Variants in GALK2 observed in about 807,000 individuals in gnomAD.
The protein encoded by GALK2 is N-acetylgalactosamine kinase.
A neutral mutation model predicts 52.4 loss-of-function variants in GALK2; 36 were observed. That is an observed-to-expected ratio of 0.69 (90% CI 0.53 to 0.91). The LOEUF (loss-of-function observed/expected upper bound fraction) is 0.91, where lower values mean the gene tolerates loss of function less well. Ranked by LOEUF, GALK2 falls within the 40% of genes least tolerant of loss-of-function variation. The pLI is 0.00. For synonymous variants in GALK2, 176 were observed against 199.1 expected (o/e 0.88, Z 0.98); for missense variants, 579 against 559.1 (o/e 1.04, Z -0.36).
intron 3 of GALK2, among the ~76,000 whole-genome samples, chr15:49,360,535 C>T (rs1179420695): frequency 6.6e-6 from 1 of 150,828 alleles, no homozygotes; most frequent in Non-Finnish European, 1.5e-5. Context: ...AGCTTAGTCT[C>T]AACACATAAA....
At chr15:49,327,764 G>GA (rs1179546400) in intron 9 of GALK2, 188 bp from the exon 10 acceptor site, 2 of 499,920 alleles carry the variant, frequency 4.0e-6, no homozygotes, top group South Asian at 4.1e-5. Flanking sequence ...TAGATACAAT[G>GA]AAAAAATTCC....
At chr15:49,280,184 C>T (rs1211326356) in intron 5 of GALK2, among the ~76,000 whole-genome samples, 3 of 152,164 alleles carry the variant, frequency 2.0e-5, no homozygotes, top group Non-Finnish European at 4.4e-5. Flanking sequence ...AATAATAACA[C>T]TGTGATTCAC....
intron 3 of GALK2, among the ~76,000 whole-genome samples, chr15:49,344,990 C>G (rs2041259024): frequency 6.6e-6 from 1 of 152,182 alleles, no homozygotes; most frequent in African/African-American, 2.4e-5. Context: ...TGGTGTTGAG[C>G]TGCTTAAACT....
At chr15:49,246,188 G>A (rs1030422687) in intron 5 of GALK2, among the ~76,000 whole-genome samples, 6 of 152,202 alleles carry the variant, frequency 3.9e-5, no homozygotes, top group Non-Finnish European at 7.3e-5. Context: ...GGGTTGCTCT[G>A]ATGTCCAGTT....
chr15:49,190,582 A>T (rs1005779323), intron 1 of GALK2, among the ~76,000 whole-genome samples: 2 of 152,220 alleles, frequency 1.3e-5, no homozygotes, highest in African/African-American at 4.8e-5. Flanking sequence ...TTGTTAAAGC[A>T]AATTAAATAT....
intron 3 of GALK2, among the ~76,000 whole-genome samples, chr15:49,222,289 A>G (rs2089854538): frequency 6.6e-6 from 1 of 152,100 alleles, no homozygotes; most frequent in Non-Finnish European, 1.5e-5. Flanking sequence ...TAGGTGTAAG[A>G]GTTTTTTTTA....
Position 49,330,773 on chromosome 15 carries a change from A to G in GALK2, c.*2614A>G, listed in dbSNP as rs1596200582. 1 of 151,760 alleles carries G rather than the reference A, an allele frequency of 6.6e-6. No individual in the cohort carries two copies. The highest frequency in any genetic ancestry group is 2.4e-5 in the African/African-American group (1 of 41,286). The allele number at this position is 151,760 out of a possible 1,614,324, so 9.4% of individuals were successfully genotyped here. A position where few individuals can be genotyped will look rare whatever the true frequency, so the allele number is the denominator to read the frequency against. ...AAAAAAAAAAAGAGAGAAAGAATGA[A>G]TATTTTTGTGTGTGGATGTAAAAAA... On this transcript the variant is annotated 3_prime_UTR_variant, in exon 10 of 10. Transcript: ENST00000560031.
At chr15:49,296,390 T>C (rs902782982) in intron 8 of GALK2, among the ~76,000 whole-genome samples, 3 of 152,208 alleles carry the variant, frequency 2.0e-5, no homozygotes, top group African/African-American at 7.2e-5. Context: ...TGTTTTCTGT[T>C]CCTGCATTAA....
intron 1 of GALK2, among the ~76,000 whole-genome samples, chr15:49,184,788 T>C (rs2086229292): frequency 6.6e-6 from 1 of 152,182 alleles, no homozygotes; most frequent in Admixed American, 6.5e-5. Flanking sequence ...TAAGTTTTTG[T>C]TGTTTTTATT....
intron 9 of GALK2, 64 bp from the exon 10 acceptor site, chr15:49,327,888 A>C (rs908052522): frequency 4.0e-6 from 6 of 1,510,824 alleles, no homozygotes; most frequent in Non-Finnish European, 5.4e-6. Context: ...TGTTCTACAA[A>C]CACCAAGCAA....
chr15:49,204,083 A>T lies in GALK2; in HGVS notation c.142+2833A>T, dbSNP rs140488010. 5.6e-3 allele frequency among the ~76,000 whole-genome samples: 822 copies of T among 147,298 alleles called. 6 individuals carry two copies. Among genetic ancestry groups the T allele is most frequent in the African/African-American group, 0.02 (781 of 39,530 alleles). On this transcript the variant is annotated intron_variant, in intron 2 of 9. Transcript: ENST00000560031. ...TGAGCCGAGATCAAACCACTACTGC[A>T]CTCCAGCAGGATTCTGTCTCAAAAA... is the stretch of plus-strand genomic sequence containing the variant.
At chr15:49,205,386 C>T (rs2088191791) in intron 2 of GALK2, among the ~76,000 whole-genome samples, 1 of 152,150 alleles carries the variant, frequency 6.6e-6, no homozygotes, top group African/African-American at 2.4e-5. Context: ...TCCACACCAA[C>T]ATCTACTCTT....
At chr15:49,335,051 C>T (rs534005215), downstream of GALK2, among the ~76,000 whole-genome samples, 1 of 152,260 alleles carries the variant, frequency 6.6e-6, no homozygotes, top group Non-Finnish European at 1.5e-5. Flanking sequence ...GCCCAGCTGC[C>T]ACCCCAGCTC....
At chr15:49,362,254 A>G (rs1042190426) in intron 3 of GALK2, among the ~76,000 whole-genome samples, 5 of 152,002 alleles carry the variant, frequency 3.3e-5, no homozygotes, top group Non-Finnish European at 7.4e-5. Context: ...TGTTTTCATG[A>G]TAGTGAAAGT....
chr15:49,365,972 A>G, intron 3 of GALK2: 6 of 843,336 alleles, frequency 7.1e-6, no homozygotes, highest in Non-Finnish European at 1.3e-5. Context: ...TGGAAGAAAT[A>G]AAGTAAGACC....
At chr15:49,353,113 G>A (rs2042493639) in intron 3 of GALK2, among the ~76,000 whole-genome samples, 1 of 152,166 alleles carries the variant, frequency 6.6e-6, no homozygotes, top group African/African-American at 2.4e-5. Context: ...GGGAAAAATG[G>A]AAATAGTTGC....
intron 3 of GALK2, among the ~76,000 whole-genome samples, chr15:49,217,546 G>C (rs1381641880): frequency 1.3e-5 from 2 of 152,170 alleles, no homozygotes. Flanking sequence ...TAGATACCAG[G>C]TGATACAAAG....
intron 3 of GALK2, among the ~76,000 whole-genome samples, chr15:49,354,917 A>T (rs1041807048): frequency 2.6e-5 from 4 of 152,042 alleles, no homozygotes; most frequent in Admixed American, 1.3e-4. Flanking sequence ...TGCCTCCTCA[A>T]GTGGGTCCCT....
intron 1 of GALK2, among the ~76,000 whole-genome samples, chr15:49,176,156 G>A (rs1026392569): frequency 3.3e-5 from 5 of 152,316 alleles, no homozygotes; most frequent in South Asian, 2.1e-4. Context: ...CACATCCCTC[G>A]CCCTCCTTGC....
Sources: allele counts gnomAD v4.1 joint callset (sites outside exome capture counted in the v4.1 genomes callset), GRCh38; gene constraint gnomAD v4.1.1; transcripts MANE v1.5; gene names NCBI Gene and HGNC (gene_info 2026-07-23, HGNC 2026-07-21).